Variants in SHROOM2 observed in about 807,000 individuals in gnomAD.
SHROOM2 encodes protein Shroom2.
SHROOM2 carries 33 observed loss-of-function variants against 75.9 expected under a neutral mutation model. The ratio of observed to expected loss-of-function variants is 0.43; its 90% CI spans 0.33 to 0.58. SHROOM2 has a LOEUF of 0.58. SHROOM2 is among the 20% of genes least tolerant of loss of function. The pLI is 0.04. For synonymous variants in SHROOM2, 655 were observed against 663.6 expected (o/e 0.99, Z 0.20); for missense variants, 1,434 against 1,461.2 (o/e 0.98, Z 0.30).
rs756215272 is a variant in SHROOM2, at chrX:9,896,153, G to A, written c.2245G>A (p.Gly749Arg). 47 of 1,207,309 alleles carry A rather than the reference G, an allele frequency of 3.9e-5. No individual in the cohort carries two copies. The South Asian group carries it at 6.0e-4, about 15-fold the overall frequency. Residue 749 changes from glycine to arginine, a missense_variant, in exon 4 of 10, where the codon GGA (glycine) becomes AGA (arginine). Around this residue, in one of 3 missense-constraint regions of SHROOM2, gnomAD observed 1,340 missense variants for 1,338.3 expected, o/e 1.00. Transcript: ENST00000380913. Reference sequence around the variant, plus strand: ...TGGCGGGCCCCACCCGCCCCGCATCGGAGGCCGGAGACGGTTCACAGCTGA... The same window carrying A: ...TGGCGGGCCCCACCCGCCCCGCATCAGAGGCCGGAGACGGTTCACAGCTGA... ...TSGGPHPPRI[G>R]GRRRFTAEQK...
intron 5 of SHROOM2, among the ~76,000 whole-genome samples, chrX:9,898,571 G>A (rs1362749701): frequency 3.6e-5 from 4 of 112,078 alleles, no homozygotes; most frequent in African/African-American, 1.3e-4. Context: ...TTTCCGCACG[G>A]TGAGACTGCT....
intron 9 of SHROOM2, among the ~76,000 whole-genome samples, chrX:9,946,121 C>G (rs1404371594): frequency 8.9e-6 from 1 of 112,964 alleles, no homozygotes; most frequent in Non-Finnish European, 1.9e-5. Flanking sequence ...TGGCCGACAC[C>G]CGTGCACAGC....
At chrX:9,862,944 G>A (rs746795786) in intron 1 of SHROOM2, among the ~76,000 whole-genome samples, 2 of 111,375 alleles carry the variant, frequency 1.8e-5, no homozygotes, top group Non-Finnish European at 3.8e-5. Context: ...GGTGGATCTC[G>A]GCCTGTGCTC....
chrX:9,823,721 T>G (rs1298589231), intron 1 of SHROOM2, among the ~76,000 whole-genome samples: 3 of 108,404 alleles, frequency 2.8e-5, no homozygotes, highest in African/African-American at 1.0e-4. Flanking sequence ...CAGATTTACA[T>G]GGAGAAACAA....
chrX:9,853,376 A>G (rs1039007819), intron 1 of SHROOM2, among the ~76,000 whole-genome samples: 2 of 112,397 alleles, frequency 1.8e-5, no homozygotes, highest in East Asian at 2.8e-4. Context: ...TAGGGCTGTC[A>G]TAACAAAGTA....
chrX:9,869,220 C>G (rs1467094993), intron 1 of SHROOM2, among the ~76,000 whole-genome samples: 1 of 112,705 alleles, frequency 8.9e-6, no homozygotes, highest in Non-Finnish European at 1.9e-5. Flanking sequence ...CTTGGCCTCC[C>G]AAAGTGCTGG....
Position 9,932,419 on chromosome X carries a change from C to G in SHROOM2, c.3136C>G (p.Gln1046Glu). ...TGGCTCACCCCTGCATGCTCGAGGACAAGACTCGTGGCCAGTGAGCTCAGC... is the reference window on the plus strand; with the variant it reads ...TGGCTCACCCCTGCATGCTCGAGGAGAAGACTCGTGGCCAGTGAGCTCAGC... ...SPGSPLHARG[Q>E]DSWPVSSALL... The change falls in exon 6 of 10, where the codon CAA becomes GAA. Residue 1046 changes from glutamine to glutamate, a missense_variant. Physicochemically the swap from Gln to Glu is conservative, Grantham distance 29 (BLOSUM62 2). This residue lies in a region of SHROOM2 where 1,340 missense variants were observed against 1,338.3 expected (regional missense o/e 1.00). Coordinates refer to ENST00000380913, the MANE Select transcript of SHROOM2 (RefSeq NM_001649.4). 8.3e-7 allele frequency: 1 copy of G among 1,208,886 alleles called. No individual in the cohort carries two copies. The highest frequency in any genetic ancestry group is 3.0e-5 in the East Asian group (1 of 33,716).
intron 1 of SHROOM2, among the ~76,000 whole-genome samples, chrX:9,790,854 TC>T (rs2083643655): frequency 9.0e-6 from 1 of 111,161 alleles, no homozygotes; most frequent in African/African-American, 3.3e-5. Flanking sequence ...TGAATTCTCA[TC>T]CTTGTTCTCC....
chrX:9,897,577 A>G (rs2084340000), intron 4 of SHROOM2, among the ~76,000 whole-genome samples: 1 of 107,290 alleles, frequency 9.3e-6, no homozygotes, highest in African/African-American at 3.4e-5. Flanking sequence ...AAAGAAAAAA[A>G]AAACTTAAGA....
intron 5 of SHROOM2, among the ~76,000 whole-genome samples, chrX:9,911,795 T>C (rs1647629043): frequency 9.0e-6 from 1 of 111,496 alleles, no homozygotes; most frequent in Non-Finnish European, 1.9e-5. Context: ...CAAGAATATA[T>C]GGACATAGAA....
Position 9,815,911 on chromosome X carries a change from C to A in SHROOM2, c.165+29201C>A, listed in dbSNP as rs1268157945. ...TCAAATGTAATCTCTTTTGGCAACACCCTCACAGACACACCCAGGATCAGT... is the reference window on the plus strand; with the variant it reads ...TCAAATGTAATCTCTTTTGGCAACAACCTCACAGACACACCCAGGATCAGT... On this transcript the variant is annotated intron_variant, in intron 1 of 9. Coordinates refer to ENST00000380913, the MANE Select transcript of SHROOM2 (RefSeq NM_001649.4). Among the ~76,000 whole-genome samples the A allele has an allele frequency of 2.7e-5, 3 of 112,056 alleles. No homozygotes were observed. The East Asian group carries it at 8.4e-4, about 31-fold the overall frequency.
At chrX:9,794,577 C>T (rs1339913636) in intron 1 of SHROOM2, among the ~76,000 whole-genome samples, 1 of 111,444 alleles carries the variant, frequency 9.0e-6, no homozygotes, top group East Asian at 2.8e-4. Context: ...CCATGTTGGT[C>T]AGGCTGGTCT....
At chrX:9,882,452 T>G (rs754029314) in intron 2 of SHROOM2, among the ~76,000 whole-genome samples, 1 of 111,675 alleles carries the variant, frequency 9.0e-6, no homozygotes, top group Admixed American at 9.5e-5. Flanking sequence ...GGCATATATA[T>G]GGTTGAACAC....
chrX:9,836,781 G>T (rs1178449903), intron 1 of SHROOM2, among the ~76,000 whole-genome samples: 1 of 111,115 alleles, frequency 9.0e-6, no homozygotes, highest in Non-Finnish European at 1.9e-5. Context: ...GTGATTTATA[G>T]TGAGTTCAAA....
intron 1 of SHROOM2, among the ~76,000 whole-genome samples, chrX:9,814,857 C>T (rs553654108): frequency 2.7e-5 from 3 of 111,827 alleles, no homozygotes; most frequent in African/African-American, 6.5e-5. Context: ...ACAGTAGACA[C>T]CTGGCGAGGC....
chrX:9,835,329 C>G (rs1318334876), intron 1 of SHROOM2, among the ~76,000 whole-genome samples: 2 of 111,978 alleles, frequency 1.8e-5, no homozygotes, highest in African/African-American at 6.5e-5. Context: ...TCCCTCTCTT[C>G]CCTCCTCCCT....
chrX:9,944,896 G>T lies in SHROOM2; in HGVS notation c.4567G>T (p.Ala1523Ser), dbSNP rs146420450. Residue 1523 changes from alanine to serine, a missense_variant, in exon 9 of 10, where the codon GCT becomes TCT. Ala to Ser is a moderately conservative substitution (Grantham distance 99). Around this residue, in one of 3 missense-constraint regions of SHROOM2, gnomAD observed 80 missense variants for 88.4 expected, o/e 0.90. Transcript: ENST00000380913. ...TGCCCTCAATAATTTGGACGACGGC[G>T]CTTCTCCCGGTGATCGGGTAAATGC... is the stretch of plus-strand genomic sequence containing the variant. ...ENALNNLDDGASPGDRQSLLE... is the reference protein window; with the variant it reads ...ENALNNLDDGSSPGDRQSLLE... The T allele has an allele frequency of 4.2e-6, 5 of 1,203,743 alleles. No individual in the cohort carries two copies. The South Asian group carries it at 9.0e-5, about 22-fold the overall frequency.
At chrX:9,912,107 AACACACACACACACACACACAC>A (rs61080253) in intron 5 of SHROOM2, among the ~76,000 whole-genome samples, 1 of 26,459 alleles carries the variant, frequency 3.8e-5, no homozygotes, top group African/African-American at 1.1e-4. Flanking sequence ...CCTTTCTCCA[AACACACACACACACACACACAC>A]ACACACACAC....
intron 4 of SHROOM2, among the ~76,000 whole-genome samples, chrX:9,897,107 A>T (rs1360754281): frequency 8.9e-6 from 1 of 112,238 alleles, no homozygotes; most frequent in Non-Finnish European, 1.9e-5. Context: ...TCAAACACTG[A>T]TGGATGACCT....
Sources: gnomAD v4.1 joint callset for allele counts (sites outside exome capture counted in the v4.1 genomes callset) on GRCh38, gnomAD v4.1.1 for gene constraint, gnomAD v4.1.1 regional missense constraint, MANE v1.5 for transcripts, NCBI Gene and HGNC (gene_info 2026-07-23, HGNC 2026-07-21) for gene names.